Variants in PHACTR1 observed in about 807,000 individuals in gnomAD.
The protein encoded by PHACTR1 is phosphatase and actin regulator 1.
PHACTR1 carries 16 observed loss-of-function variants against 69.2 expected under a neutral mutation model. That is an observed-to-expected ratio of 0.23 (90% CI 0.16 to 0.35). PHACTR1 has a LOEUF of 0.35. PHACTR1 is among the 10% of genes least tolerant of loss of function. The pLI is 1.00. For synonymous variants in PHACTR1, 312 were observed against 284.5 expected, an observed-to-expected ratio of 1.10 and a Z score of -0.97; for missense variants, 510 against 734.7, an observed-to-expected ratio of 0.69 and a Z score of 3.54.
At chr6:12,882,827 T>C (rs1294712752) in intron 4 of PHACTR1, among the ~76,000 whole-genome samples, 4 of 152,128 alleles carry the variant, frequency 2.6e-5, no homozygotes, top group Non-Finnish European at 5.9e-5. Context: ...TGTAAAGCAC[T>C]TAGAAGTATG....
intron 3 of PHACTR1, among the ~76,000 whole-genome samples, chr6:12,725,661 A>G (rs1412643860): frequency 6.6e-6 from 1 of 152,204 alleles, no homozygotes; most frequent in Non-Finnish European, 1.5e-5. Context: ...TAAAGTGTCT[A>G]GTACCTTGTC....
intron 4 of PHACTR1, among the ~76,000 whole-genome samples, chr6:12,835,524 A>T (rs187786909): frequency 2.2e-4 from 33 of 152,294 alleles, no homozygotes; most frequent in Admixed American, 1.2e-3. Context: ...TGTCATTCAA[A>T]ATTCAATAGT....
chr6:13,268,575 T>A (rs1228523139), intron 10 of PHACTR1, among the ~76,000 whole-genome samples: 2 of 152,226 alleles, frequency 1.3e-5, no homozygotes, highest in African/African-American at 4.8e-5. Context: ...AAATCAGCCT[T>A]AGCTTATTAA....
At chr6:12,787,797 C>G (rs944767) in intron 4 of PHACTR1, among the ~76,000 whole-genome samples, 32,319 of 152,122 alleles carry the variant, frequency 0.21, 3,841 homozygotes, top group Middle Eastern at 0.33. Flanking sequence ...GTAGCAACTT[C>G]TGCCCCAACC....
intron 4 of PHACTR1, among the ~76,000 whole-genome samples, chr6:12,860,328 T>C (rs1257549834): frequency 6.6e-6 from 1 of 152,198 alleles, no homozygotes; most frequent in Non-Finnish European, 1.5e-5. Flanking sequence ...GGACATGAAC[T>C]CATTCTTTTT....
At chr6:12,983,281 G>T (rs113222113) in intron 4 of PHACTR1, among the ~76,000 whole-genome samples, 49 of 152,310 alleles carry the variant, frequency 3.2e-4, no homozygotes, top group African/African-American at 1.2e-3. Context: ...GAAGAGTGAA[G>T]TAAATGCTAA....
rs1008220654 is a variant in PHACTR1 at position 13,179,135 on chromosome 6, C to T, written c.497-3384C>T. 1.3e-5 allele frequency among the ~76,000 whole-genome samples: 2 copies of T among 152,078 alleles called. No homozygotes were observed. The highest frequency in any genetic ancestry group is 4.8e-5 in the African/African-American group (2 of 41,402). On this transcript the variant is annotated intron_variant, in intron 6 of 14. Coordinates refer to ENST00000332995, the MANE Select transcript of PHACTR1 (RefSeq NM_030948.6). This position sits in a 1 kb window ranked among gnomAD's most constrained non-coding sequence, Gnocchi z 4.2. ...CCTGTGGTCCCAGCTACTCTGGGGGCTGAGGTGAGAGTATCACTTGAGCCT... is the reference window on the plus strand; with the variant it reads ...CCTGTGGTCCCAGCTACTCTGGGGGTTGAGGTGAGAGTATCACTTGAGCCT...
At position 12,801,782 on chromosome 6, in the gene PHACTR1, A is replaced by G. The variant is rs183625913; in HGVS notation, c.250+51992A>G. ...AATGAGAATTATTTAATATAGCTTT[A>G]TTGAGCAAAGAAGAATCTCTGCCTC... On this transcript the variant is annotated intron_variant, in intron 4 of 14. Transcript: ENST00000332995. Among the ~76,000 whole-genome samples the G allele has an allele frequency of 1.6e-4, 25 of 152,342 alleles. No homozygotes were observed. In the East Asian group the frequency reaches 4.4e-3, roughly 27 times the overall value.
chr6:12,825,865 T>A (rs1017379223), intron 4 of PHACTR1, among the ~76,000 whole-genome samples: 1 of 152,076 alleles, frequency 6.6e-6, no homozygotes, highest in African/African-American at 2.4e-5. Flanking sequence ...TGGTAAACTC[T>A]CCACTCACGA....
chr6:13,271,159 C>A (rs1257919145), intron 10 of PHACTR1, among the ~76,000 whole-genome samples: 1 of 152,114 alleles, frequency 6.6e-6, no homozygotes, highest in East Asian at 1.9e-4. Context: ...CAGGCATGTG[C>A]CACCATGCCC....
chr6:12,848,449 A>G (rs937988786), intron 4 of PHACTR1, among the ~76,000 whole-genome samples: 4 of 152,168 alleles, frequency 2.6e-5, no homozygotes, highest in Admixed American at 6.5e-5. Flanking sequence ...AGACTGAATC[A>G]AGGCGCCCAT....
At chr6:13,096,986 T>A (rs1246172305) in intron 5 of PHACTR1, among the ~76,000 whole-genome samples, 1 of 152,204 alleles carries the variant, frequency 6.6e-6, no homozygotes, top group Non-Finnish European at 1.5e-5. Context: ...GTATAGTGAA[T>A]AATTAATCTG....
At chr6:13,133,855 C>G (rs575151734) in intron 5 of PHACTR1, among the ~76,000 whole-genome samples, 1 of 150,564 alleles carries the variant, frequency 6.6e-6, no homozygotes, top group Non-Finnish European at 1.5e-5. Flanking sequence ...GTGAGGAGCG[C>G]CTCTTCCCGG....
chr6:13,110,386 A>C (rs1816848185), intron 5 of PHACTR1, among the ~76,000 whole-genome samples: 1 of 152,192 alleles, frequency 6.6e-6, no homozygotes, highest in Non-Finnish European at 1.5e-5. Context: ...ATCTGTGCAC[A>C]ATGCTGCAGG....
At chr6:13,177,146 T>C (rs1761425927) in intron 6 of PHACTR1, among the ~76,000 whole-genome samples, 1 of 121,836 alleles carries the variant, frequency 8.2e-6, no homozygotes. Context: ...AAGACCAGCC[T>C]TGGCAAAATA....
intron 4 of PHACTR1, among the ~76,000 whole-genome samples, chr6:12,933,417 A>C (rs900238791): frequency 2.0e-5 from 3 of 152,252 alleles, no homozygotes; most frequent in Admixed American, 6.5e-5. Context: ...TAAAGGGATA[A>C]TTTTAAAAAC....
chr6:12,984,814 A>G (rs1425227295), intron 4 of PHACTR1, among the ~76,000 whole-genome samples: 1 of 152,248 alleles, frequency 6.6e-6, no homozygotes, highest in African/African-American at 2.4e-5. Context: ...TGATGAATCT[A>G]TAATACTGGA....
chr6:13,270,877 G>A (rs920161812), intron 10 of PHACTR1, among the ~76,000 whole-genome samples: 2 of 152,284 alleles, frequency 1.3e-5, no homozygotes, highest in South Asian at 2.1e-4. Flanking sequence ...CCTGGCATTT[G>A]CTTGACTTCT....
chr6:12,822,858 G>C (rs1249264095), intron 4 of PHACTR1, among the ~76,000 whole-genome samples: 2 of 152,306 alleles, frequency 1.3e-5, no homozygotes, highest in East Asian at 3.9e-4. Context: ...GAGCCATAAG[G>C]CCACAGAGAA....
Sources: gnomAD v4.1 joint callset for allele counts (sites outside exome capture counted in the v4.1 genomes callset) on GRCh38, gnomAD v4.1.1 for gene constraint, Gnocchi (gnomAD v3.1) non-coding constraint, MANE v1.5 for transcripts, NCBI Gene and HGNC (gene_info 2026-07-23, HGNC 2026-07-21) for gene names.